The following PTPRD variants were observed in gnomAD, a reference collection of about 807,000 sequenced individuals.
The protein encoded by PTPRD is receptor-type tyrosine-protein phosphatase delta.
In PTPRD, 34 loss-of-function variants were observed where a neutral mutation model predicts 214.5. That is an observed-to-expected ratio of 0.16 (90% CI 0.12 to 0.21). PTPRD has a LOEUF of 0.21. Ranked by LOEUF, PTPRD falls within the 10% of genes least tolerant of loss-of-function variation. PTPRD has a pLI of 1.00. For synonymous variants in PTPRD, 1,128 were observed against 845.7 expected (o/e 1.33, Z -5.79); for missense variants, 2,545 against 2,398.7 (o/e 1.06, Z -1.27).
At chr9:8,964,192 G>GTTTT (rs71317391) in intron 11 of PTPRD, among the ~76,000 whole-genome samples, 56 of 35,612 alleles carry the variant, frequency 1.6e-3, no homozygotes, top group East Asian at 4.9e-3. Flanking sequence ...TCAGGGCTGT[G>GTTTT]TTTTTTTTTT....
intron 3 of PTPRD, among the ~76,000 whole-genome samples, chr9:10,327,150 T>C (rs2096658000): frequency 7.4e-6 from 1 of 135,740 alleles, no homozygotes; most frequent in South Asian, 2.4e-4. Context: ...TGTGTGTGCA[T>C]TTGTGCACAT....
At chr9:9,684,721 G>A (rs148333451) in intron 7 of PTPRD, among the ~76,000 whole-genome samples, 1 of 151,670 alleles carries the variant, frequency 6.6e-6, no homozygotes, top group African/African-American at 2.4e-5. Flanking sequence ...ATGTGTGTGT[G>A]TGTGGTTTTC....
chr9:9,554,401 G>A (rs2081025887), intron 8 of PTPRD, among the ~76,000 whole-genome samples: 3 of 131,450 alleles, frequency 2.3e-5, no homozygotes, highest in Admixed American at 7.4e-5. Context: ...AAATGGTCCT[G>A]TTTTATTTTT....
chr9:9,768,654 A>C (rs1005162644), intron 5 of PTPRD, among the ~76,000 whole-genome samples: 12 of 152,294 alleles, frequency 7.9e-5, no homozygotes, highest in African/African-American at 2.9e-4. Flanking sequence ...GCTTACATGC[A>C]GTCTGGCATG....
intron 8 of PTPRD, among the ~76,000 whole-genome samples, chr9:9,488,980 C>T (rs959629765): frequency 1.3e-5 from 2 of 152,128 alleles, no homozygotes; most frequent in Non-Finnish European, 2.9e-5. Context: ...GGCAGGAGGC[C>T]ATTATTGTTG....
chr9:8,437,811 A>G (rs1017641555), intron 34 of PTPRD, among the ~76,000 whole-genome samples: 3 of 152,252 alleles, frequency 2.0e-5, no homozygotes, highest in Non-Finnish European at 4.4e-5. Flanking sequence ...TCATTCAGCC[A>G]GCGGAAGATA....
chr9:10,049,624 G>A (rs568316070), intron 3 of PTPRD, among the ~76,000 whole-genome samples: 7 of 152,274 alleles, frequency 4.6e-5, no homozygotes, highest in Admixed American at 2.0e-4. Flanking sequence ...TATACTATGT[G>A]AGGGATATTC....
intron 3 of PTPRD, among the ~76,000 whole-genome samples, chr9:10,156,483 G>A (rs1213504952): frequency 6.6e-6 from 1 of 152,102 alleles, no homozygotes; most frequent in Non-Finnish European, 1.5e-5. Context: ...ATTTTATTGT[G>A]TGTGCTGTGG....
At chr9:8,904,736 A>G (rs2098695819) in intron 11 of PTPRD, among the ~76,000 whole-genome samples, 1 of 152,042 alleles carries the variant, frequency 6.6e-6, no homozygotes, top group East Asian at 1.9e-4. Context: ...CAAAACACAT[A>G]ATCGTATATT....
intron 2 of PTPRD, among the ~76,000 whole-genome samples, chr9:10,551,981 T>TTGGCATTAGG (rs2061462154): frequency 6.6e-6 from 1 of 152,198 alleles, no homozygotes; most frequent in Non-Finnish European, 1.5e-5. Context: ...ATGCATGTTT[T>TTGGCATTAGG]CAACACCTAA....
chr9:9,835,488 C>T (rs2056482058), intron 5 of PTPRD, among the ~76,000 whole-genome samples: 1 of 152,036 alleles, frequency 6.6e-6, no homozygotes, highest in South Asian at 2.1e-4. Flanking sequence ...TGTTGGCACA[C>T]TGGAATAGAG....
intron 3 of PTPRD, among the ~76,000 whole-genome samples, chr9:10,329,157 C>A (rs1466918052): frequency 6.6e-6 from 1 of 151,712 alleles, no homozygotes; most frequent in Non-Finnish European, 1.5e-5. Flanking sequence ...CCCATATATT[C>A]TTTTTAATAT....
chr9:9,339,523 G>T (rs897583947), intron 9 of PTPRD, among the ~76,000 whole-genome samples: 2 of 152,012 alleles, frequency 1.3e-5, no homozygotes, highest in African/African-American at 4.8e-5. Context: ...AATATCACTG[G>T]GTCTGATCTA....
chr9:8,476,315 C>T (rs181804606), intron 30 of PTPRD, among the ~76,000 whole-genome samples: 127 of 152,270 alleles, frequency 8.3e-4, no homozygotes, highest in Non-Finnish European at 1.1e-3. Flanking sequence ...GATTCTAATG[C>T]CACCACTGAT....
intron 39 of PTPRD, among the ~76,000 whole-genome samples, chr9:8,368,054 A>G (rs979556968): frequency 2.0e-5 from 3 of 152,136 alleles, no homozygotes; most frequent in African/African-American, 4.8e-5. Context: ...CTACCATACA[A>G]TGCTGGCCCC....
At chr9:9,539,266 G>T in intron 8 of PTPRD, among the ~76,000 whole-genome samples, 1 of 151,924 alleles carries the variant, frequency 6.6e-6, no homozygotes, top group Admixed American at 6.6e-5. Flanking sequence ...AGGCCCTTAA[G>T]TGGGAATAAA....
intron 9 of PTPRD, among the ~76,000 whole-genome samples, chr9:9,347,993 T>C (rs1456749491): frequency 6.6e-6 from 1 of 152,166 alleles, no homozygotes. Context: ...TCAGAGAGTA[T>C]GTCACCAAAT....
At chr9:9,236,148 G>T (rs1379990438) in intron 9 of PTPRD, among the ~76,000 whole-genome samples, 1 of 152,116 alleles carries the variant, frequency 6.6e-6, no homozygotes, top group Non-Finnish European at 1.5e-5. Context: ...AGCTACCCAG[G>T]AGGCTGAGGC....
chr9:10,093,980 G>C (rs748552795), intron 3 of PTPRD, among the ~76,000 whole-genome samples: 16 of 151,204 alleles, frequency 1.1e-4, no homozygotes, highest in Admixed American at 2.0e-4. Context: ...AATCCCTATA[G>C]GGTACTATGC....
Sources: allele counts gnomAD v4.1 joint callset (sites outside exome capture counted in the v4.1 genomes callset), GRCh38; gene constraint gnomAD v4.1.1; transcripts MANE v1.5; gene names NCBI Gene and HGNC (gene_info 2026-07-23, HGNC 2026-07-21).